Variants in HSPA12B observed in about 807,000 individuals in gnomAD.
The protein encoded by HSPA12B is heat shock protein family A (Hsp70) member 12B, also known as heat shock 70 kDa protein 12B.
HSPA12B carries 54 observed loss-of-function variants against 69.3 expected under a neutral mutation model. The ratio of observed to expected loss-of-function variants is 0.78; its 90% CI spans 0.63 to 0.98. The LOEUF (loss-of-function observed/expected upper bound fraction) is 0.98, where lower values mean the gene tolerates loss of function less well. HSPA12B is among the 50% of genes least tolerant of loss of function. The probability of loss-of-function intolerance (pLI) is 0.00; values close to 1 mark genes in which losing one functional copy is unlikely to be tolerated. For missense variants in HSPA12B, 929 were observed against 999.8 expected, an observed-to-expected ratio of 0.93 and a Z score of 0.96; for synonymous variants, 441 against 436.5, an observed-to-expected ratio of 1.01 and a Z score of -0.13.
At chr20:3,742,055 C>G (rs2088211033) in intron 3 of HSPA12B, among the ~76,000 whole-genome samples, 1 of 151,976 alleles carries the variant, frequency 6.6e-6, no homozygotes, top group South Asian at 2.1e-4. Context: ...GGAGCTTGAG[C>G]CAAACCCTGC....
chr20:3,751,539 G>C lies in HSPA12B; in HGVS notation c.1434G>C (p.Gln478His). 6.8e-7 allele frequency: 1 copy of C among 1,475,532 alleles called. No homozygotes were observed. The highest frequency in any genetic ancestry group is 9.0e-7 in the Non-Finnish European group (1 of 1,114,176). The allele number at this position is 1,475,532 out of a possible 1,614,324, so 91.4% of individuals were successfully genotyped here. A position where few individuals can be genotyped will look rare whatever the true frequency, so the allele number is the denominator to read the frequency against. Reference sequence around the variant, plus strand: ...CCCTGCTGGCACGGCCGGAGGTGCAGGGTGTGAAGCTGCTGTTCCTAGTGG... The same window carrying C: ...CCCTGCTGGCACGGCCGGAGGTGCACGGTGTGAAGCTGCTGTTCCTAGTGG... Reference protein sequence around the residue: ...IEALLARPEVQGVKLLFLVGG... With the variant: ...IEALLARPEVHGVKLLFLVGG... The change falls in exon 13 of 13, where the codon CAG (glutamine) becomes CAC (histidine). Residue 478 changes from glutamine (Q) to histidine (H), a missense_variant. Gln to His is a conservative substitution (Grantham distance 24). Transcript: ENST00000254963.
intron 2 of HSPA12B, among the ~76,000 whole-genome samples, 174 bp downstream of exon 2, chr20:3,738,891 C>A (rs2088150103): frequency 6.6e-6 from 1 of 152,016 alleles, no homozygotes; most frequent in African/African-American, 2.4e-5. Flanking sequence ...GTTTACTGGA[C>A]CCCCCTGTGT....
chr20:3,738,249 A>G (rs907217630), intron 1 of HSPA12B, among the ~76,000 whole-genome samples: 14 of 152,172 alleles, frequency 9.2e-5, no homozygotes, highest in African/African-American at 3.4e-4. Context: ...TTGCCTGATT[A>G]TCTCCTCCAT....
intron 2 of HSPA12B, among the ~76,000 whole-genome samples, 175 bp downstream of exon 2, chr20:3,738,892 C>A (rs146076315): frequency 6.6e-6 from 1 of 152,170 alleles, no homozygotes; most frequent in East Asian, 1.9e-4. Context: ...TTTACTGGAC[C>A]CCCCTGTGTG....
rs2088275469 is a variant in HSPA12B at position 3,745,189 on chromosome 20, C to T, written c.453+101C>T. 6 of 1,092,816 alleles carry T rather than the reference C, an allele frequency of 5.5e-6. No homozygotes were observed. In the Admixed American group the frequency reaches 6.3e-5, roughly 11 times the overall value. 67.7% of individuals were successfully genotyped at this position (1,092,816 alleles called of 1,614,324 possible). On this transcript the variant is annotated intron_variant, in intron 5 of 12. Transcript: ENST00000254963. This position sits in a 1 kb window ranked among gnomAD's most constrained non-coding sequence, Gnocchi z 5.6. ...AAACCAAAACGTGTGAGGACCGGCC[C>T]GATGGAGTCGTGGCTGAGAGGGGGC... is the stretch of plus-strand genomic sequence containing the variant.
chr20:3,741,305 G>C (rs977685906), intron 3 of HSPA12B, among the ~76,000 whole-genome samples: 7 of 101,272 alleles, frequency 6.9e-5, no homozygotes, highest in African/African-American at 2.0e-4. Context: ...GAGAGGAGAT[G>C]TGTTGCCAAA....
Position 3,745,702 on chromosome 20 carries a change from C to T in HSPA12B, c.558+105C>T. ...TCCCCGACATTGGATGGGTAGCCAC[C>T]GCCGGAGCTCAGAGGTCATCTTCTC... is the stretch of plus-strand genomic sequence containing the variant. On this transcript the variant is annotated intron_variant, in intron 6 of 12. Coordinates refer to ENST00000254963, the MANE Select transcript of HSPA12B (RefSeq NM_052970.5). This position sits in a 1 kb window ranked among gnomAD's most constrained non-coding sequence, Gnocchi z 5.6. The T allele has an allele frequency of 1.0e-5, 11 of 1,076,348 alleles. No individual in the cohort carries two copies. Among genetic ancestry groups the T allele is most frequent in the Non-Finnish European group, 1.5e-5 (11 of 714,404 alleles). The allele number at this position is 1,076,348 out of a possible 1,614,324, so 66.7% of individuals were successfully genotyped here.
At chr20:3,734,726 T>C (rs2088082300) in intron 1 of HSPA12B, among the ~76,000 whole-genome samples, 1 of 148,714 alleles carries the variant, frequency 6.7e-6, no homozygotes, top group South Asian at 2.1e-4. Flanking sequence ...GGATCCTCCT[T>C]CTTTAACACA....
In HSPA12B at chr20:3,751,765, G is replaced by A. The variant is rs1261445042; in HGVS notation, c.1660G>A (p.Gly554Arg). The change falls in exon 13 of 13, where the codon GGG becomes AGG. Residue 554 changes from glycine (G) to arginine (R), a missense_variant. Around this residue, in one of 3 missense-constraint regions of HSPA12B, gnomAD observed 448 missense variants for 448.1 expected, o/e 1.00. Coordinates refer to ENST00000254963, the MANE Select transcript of HSPA12B (RefSeq NM_052970.5). ...GGGCGTGCTCAACCGCTTTGTGCCT[G>A]GGCGCCACCCGCCCGAAAAGCTGCT... is the stretch of plus-strand genomic sequence containing the variant. ...GVGVLNRFVP[G>R]RHPPEKLLVR... 5 of 1,525,502 alleles carry A rather than the reference G, an allele frequency of 3.3e-6. No homozygotes were observed. The highest frequency in any genetic ancestry group is 4.4e-6 in the Non-Finnish European group (5 of 1,142,260). The allele number at this position is 1,525,502 out of a possible 1,614,324, so 94.5% of individuals were successfully genotyped here. A position where few individuals can be genotyped will look rare whatever the true frequency, so the allele number is the denominator to read the frequency against.
chr20:3,733,449 G>A (rs984212691), intron 1 of HSPA12B, among the ~76,000 whole-genome samples: 4 of 152,182 alleles, frequency 2.6e-5, no homozygotes, highest in African/African-American at 9.7e-5. Context: ...GGTAATGGGG[G>A]GCTGTGGGCA....
Position 3,749,964 on chromosome 20 carries a change from C to T in HSPA12B, c.1043-5C>T, listed in dbSNP as rs1349429345. ...ACGCCCTCTTCGCCCCCTGCTCCAC[C>T]CCAGGGGGCCCTTATGGCGCGGTGG... On this transcript the variant is annotated splice_region_variant and splice_polypyrimidine_tract_variant and intron_variant, in intron 10 of 12. Transcript: ENST00000254963. This position sits in a 1 kb window ranked among gnomAD's most constrained non-coding sequence, Gnocchi z 5.5. The T allele has an allele frequency of 6.4e-7, 1 of 1,560,452 alleles. No homozygotes were observed. Among genetic ancestry groups the T allele is most frequent in the Non-Finnish European group, 8.7e-7 (1 of 1,151,336 alleles).
rs1463656583 is a variant in HSPA12B at position 3,744,709 on chromosome 20, T to TTCTGAATGGCCTTCTGTGA, written c.267-175_267-174insATCTGAATGGCCTTCTGTG. 1.3e-5 allele frequency among the ~76,000 whole-genome samples: 2 copies of TTCTGAATGGCCTTCTGTGA among 152,260 alleles called. No homozygotes were observed. Among genetic ancestry groups the TTCTGAATGGCCTTCTGTGA allele is most frequent in the African/African-American group, 2.4e-5 (1 of 41,470 alleles). On this transcript the variant is annotated intron_variant, in intron 4 of 12. Coordinates refer to ENST00000254963, the MANE Select transcript of HSPA12B (RefSeq NM_052970.5). The surrounding 1 kb of genome is among the most constrained non-coding windows in gnomAD (Gnocchi z 4.9). ...CTACTTTAAATCCACGAAGACAGAATTCTGAATGGCCTTCTGTGCTCTTCA... is the reference window on the plus strand; with the variant it reads ...CTACTTTAAATCCACGAAGACAGAATTCTGAATGGCCTTCTGTGATCTGAATGGCCTTCTGTGCTCTTCA...
At chr20:3,742,922 G>A (rs908051407) in intron 4 of HSPA12B, among the ~76,000 whole-genome samples, 1 of 151,630 alleles carries the variant, frequency 6.6e-6, no homozygotes, top group African/African-American at 2.4e-5. Flanking sequence ...TGTCCAGGCT[G>A]GAGTGCAGTG....
Position 3,751,932 on chromosome 20 carries a change from C to T in HSPA12B, c.1827C>T (p.Tyr609=). The part of the protein sequence containing the change: ...PGQRRVLINL[Y]CCAAEDARFI... ...AGCGGCGCGTACTCATCAACCTGTA[C>T]TGCTGCGCGGCAGAGGATGCGCGCT... Residue 609 remains tyrosine (Y), a synonymous_variant, in exon 13 of 13, where the codon TAC becomes TAT. Transcript: ENST00000254963. 6.3e-7 allele frequency: 1 copy of T among 1,588,432 alleles called. No homozygotes were observed. The highest frequency in any genetic ancestry group is 8.5e-7 in the Non-Finnish European group (1 of 1,172,268).
intron 11 of HSPA12B, chr20:3,750,545 T>A: frequency 4.4e-6 from 2 of 452,600 alleles, no homozygotes; most frequent in Non-Finnish European, 5.8e-6. Flanking sequence ...TCGGTTTCCC[T>A]GCACCAAAGC....
At chr20:3,739,453 G>A (rs1164918583) in intron 2 of HSPA12B, among the ~76,000 whole-genome samples, 3 of 152,320 alleles carry the variant, frequency 2.0e-5, no homozygotes, top group Non-Finnish European at 2.9e-5. Flanking sequence ...GTGGGAGGCC[G>A]GAGGCAAGAG....
At chr20:3,743,552 GTTTT>G (rs1222703791) in intron 4 of HSPA12B, among the ~76,000 whole-genome samples, 1 of 151,988 alleles carries the variant, frequency 6.6e-6, no homozygotes, top group African/African-American at 2.4e-5. Context: ...ACATATATGT[GTTTT>G]TTTAAGTAAA....
chr20:3,749,103 A>C lies in HSPA12B; in HGVS notation c.851-129A>C. On this transcript the variant is annotated intron_variant, in intron 8 of 12. Coordinates refer to ENST00000254963, the MANE Select transcript of HSPA12B (RefSeq NM_052970.5). This position sits in a 1 kb window ranked among gnomAD's most constrained non-coding sequence, Gnocchi z 5.5. ...GGATTGCCCTCTCCCAGTCAGGAGC[A>C]GGTTGGAGTTTCAGGAGCACTGGCT... is the stretch of plus-strand genomic sequence containing the variant. The C allele has an allele frequency of 1.4e-6, 1 of 705,896 alleles. No individual in the cohort carries two copies. The highest frequency in any genetic ancestry group is 2.4e-6 in the Non-Finnish European group (1 of 413,364). The allele number at this position is 705,896 out of a possible 1,614,324, so 43.7% of individuals were successfully genotyped here.
intron 12 of HSPA12B, 106 bp downstream of exon 12, chr20:3,751,013 G>C (rs1461796670): frequency 2.0e-6 from 2 of 990,714 alleles, no homozygotes; most frequent in African/African-American, 3.2e-5. Context: ...CATACACTGT[G>C]ATGAGACCTA....
Sources: gnomAD v4.1 joint callset for allele counts (sites outside exome capture counted in the v4.1 genomes callset) on GRCh38, gnomAD v4.1.1 for gene constraint, gnomAD v4.1.1 regional missense constraint, Gnocchi (gnomAD v3.1) non-coding constraint, MANE v1.5 for transcripts, NCBI Gene and HGNC (gene_info 2026-07-23, HGNC 2026-07-21) for gene names.